RBFOX1: variants seen among roughly 807,000 people sequenced by gnomAD.
The protein encoded by RBFOX1 is RNA binding protein fox-1 homolog 1.
In RBFOX1, 8 loss-of-function variants were observed where a neutral mutation model predicts 57.7. The ratio of observed to expected loss-of-function variants is 0.14; its 90% CI spans 0.08 to 0.25. The LOEUF (loss-of-function observed/expected upper bound fraction) is 0.25, where lower values mean the gene tolerates loss of function less well. Among genes scored for constraint, RBFOX1 ranks in the 10% least tolerant of loss-of-function variants. The pLI is 1.00. For synonymous variants in RBFOX1, 326 were observed against 222.4 expected (o/e 1.47, Z -4.15); for missense variants, 611 against 548.5 (o/e 1.11, Z -1.14).
At chr16:7,238,066 A>T (rs2093863305) in intron 4 of RBFOX1, among the ~76,000 whole-genome samples, 1 of 152,232 alleles carries the variant, frequency 6.6e-6, no homozygotes, top group Admixed American at 6.5e-5. Context: ...ACATTATTCT[A>T]AGTGAAATGA....
chr16:5,921,842 G>C (rs2058829150), intron 4 of RBFOX1, among the ~76,000 whole-genome samples: 1 of 151,852 alleles, frequency 6.6e-6, no homozygotes, highest in African/African-American at 2.4e-5. Flanking sequence ...AAGAGGGGGA[G>C]GAGCCAGGCT....
intron 2 of RBFOX1, among the ~76,000 whole-genome samples, chr16:6,357,008 C>T (rs2087447689): frequency 6.6e-6 from 1 of 152,132 alleles, no homozygotes; most frequent in Non-Finnish European, 1.5e-5. Flanking sequence ...GTGCCCTGGG[C>T]CAAGACTGAA....
intron 4 of RBFOX1, among the ~76,000 whole-genome samples, chr16:7,258,590 T>A (rs1033178756): frequency 6.6e-6 from 1 of 152,176 alleles, no homozygotes; most frequent in Non-Finnish European, 1.5e-5. Context: ...AGTATGAGAT[T>A]CATATTAGAG....
intron 2 of RBFOX1, among the ~76,000 whole-genome samples, chr16:6,523,189 C>G (rs948614147): frequency 6.6e-6 from 1 of 152,146 alleles, no homozygotes; most frequent in Non-Finnish European, 1.5e-5. Flanking sequence ...TCATCTCTCT[C>G]TTCTCAGCAT....
At chr16:7,197,012 T>G (rs1410634993) in intron 4 of RBFOX1, among the ~76,000 whole-genome samples, 7 of 152,212 alleles carry the variant, frequency 4.6e-5, no homozygotes, top group African/African-American at 1.7e-4. Flanking sequence ...TTTAAAAGAC[T>G]CCATTTCGAA....
At chr16:6,991,505 TATC>T (rs1052997170) in intron 3 of RBFOX1, among the ~76,000 whole-genome samples, 1 of 152,262 alleles carries the variant, frequency 6.6e-6, no homozygotes, top group Non-Finnish European at 1.5e-5. Context: ...ATGTGATTAT[TATC>T]ATCAACCCAC....
At chr16:5,434,079 C>G (rs1035254261) in intron 1 of RBFOX1, among the ~76,000 whole-genome samples, 4 of 152,136 alleles carry the variant, frequency 2.6e-5, no homozygotes, top group Non-Finnish European at 4.4e-5. Context: ...TTGCAAAACT[C>G]TCAGCTGACT....
chr16:6,708,287 AACACAC>A (rs138742593), intron 3 of RBFOX1, among the ~76,000 whole-genome samples: 1 of 143,014 alleles, frequency 7.0e-6, no homozygotes, highest in African/African-American at 2.5e-5. Flanking sequence ...AGCATTTTTG[AACACAC>A]ACACACACAC....
chr16:6,530,749 T>TAC lies in RBFOX1; in HGVS notation c.-63-123854_-63-123853insAC, dbSNP rs2096646259. Reference sequence around the variant, plus strand: ...CAGGGGAACTCCCTTTTATAAACCGTCCCTTCCCCACCCCCATCTCATGAG... The same window carrying TAC: ...CAGGGGAACTCCCTTTTATAAACCGTACCCCTTCCCCACCCCCATCTCATGAG... On this transcript the variant is annotated intron_variant, in intron 2 of 15. Coordinates refer to ENST00000550418, the MANE Select transcript of RBFOX1 (RefSeq NM_018723.4). Among the ~76,000 whole-genome samples the TAC allele has an allele frequency of 9.8e-5, 4 of 40,842 alleles. No homozygotes were observed. The Admixed American group carries it at 1.1e-3, about 11-fold the overall frequency. The allele number at this position is 40,842 out of a possible 152,430, so 26.8% of individuals were successfully genotyped here.
At chr16:6,728,607 C>G (rs1042957426) in intron 3 of RBFOX1, among the ~76,000 whole-genome samples, 1 of 152,156 alleles carries the variant, frequency 6.6e-6, no homozygotes, top group Non-Finnish European at 1.5e-5. Context: ...CTTTCAGAAG[C>G]TGCCTCATAT....
intron 4 of RBFOX1, among the ~76,000 whole-genome samples, chr16:7,250,434 C>T (rs1317665460): frequency 6.6e-6 from 1 of 152,134 alleles, no homozygotes; most frequent in Non-Finnish European, 1.5e-5. Flanking sequence ...AAGTGAAATC[C>T]TTCCTAAGTG....
At chr16:6,030,297 T>C (rs1596510160) in intron 1 of RBFOX1, among the ~76,000 whole-genome samples, 2 of 152,206 alleles carry the variant, frequency 1.3e-5, no homozygotes, top group African/African-American at 4.8e-5. Context: ...GTTTGTCCTT[T>C]CTTCAGGTTC....
intron 3 of RBFOX1, among the ~76,000 whole-genome samples, chr16:5,675,327 CCT>C (rs1431836550): frequency 1.3e-5 from 2 of 152,160 alleles, no homozygotes; most frequent in Non-Finnish European, 2.9e-5. Flanking sequence ...AGGAAGCTCT[CCT>C]CTTTGGGAGA....
chr16:7,432,381 C>G (rs1311969351), intron 4 of RBFOX1, among the ~76,000 whole-genome samples: 1 of 152,130 alleles, frequency 6.6e-6, no homozygotes. Flanking sequence ...ATTTAGGATC[C>G]CAATCCCAGA....
At chr16:7,631,266 A>T (rs2060910650) in intron 11 of RBFOX1, among the ~76,000 whole-genome samples, 1 of 152,218 alleles carries the variant, frequency 6.6e-6, no homozygotes, top group African/African-American at 2.4e-5. Context: ...CTTTTAAAAA[A>T]TCGGGGCACT....
At chr16:5,925,299 C>G (rs2058918097) in intron 4 of RBFOX1, among the ~76,000 whole-genome samples, 1 of 152,186 alleles carries the variant, frequency 6.6e-6, no homozygotes, top group South Asian at 2.1e-4. Flanking sequence ...GCTGTCTACC[C>G]ATACAGTGGG....
At chr16:7,117,128 T>G (rs1409141938) in intron 4 of RBFOX1, among the ~76,000 whole-genome samples, 7 of 152,060 alleles carry the variant, frequency 4.6e-5, no homozygotes, top group Admixed American at 1.3e-4. Flanking sequence ...TCAGTAGGGT[T>G]GAAGAAAAGA....
chr16:5,451,075 T>C (rs1444549508), intron 1 of RBFOX1, among the ~76,000 whole-genome samples: 4 of 152,222 alleles, frequency 2.6e-5, no homozygotes, highest in East Asian at 1.9e-4. Flanking sequence ...ATGGCAGATA[T>C]ACACTCAAAA....
chr16:7,098,330 T>G (rs908020629), intron 4 of RBFOX1, among the ~76,000 whole-genome samples: 1 of 152,128 alleles, frequency 6.6e-6, no homozygotes, highest in Non-Finnish European at 1.5e-5. Context: ...TCGCCATGCC[T>G]GGCTAATTTT....
Sources: allele counts gnomAD v4.1 joint callset (sites outside exome capture counted in the v4.1 genomes callset), GRCh38; gene constraint gnomAD v4.1.1; transcripts MANE v1.5; gene names NCBI Gene and HGNC (gene_info 2026-07-23, HGNC 2026-07-21).